The following FSHR variants were observed in gnomAD, a reference collection of about 807,000 sequenced individuals.
FSHR encodes follicle stimulating hormone receptor, also known as follicle-stimulating hormone receptor.
In FSHR, 46 loss-of-function variants were observed where a neutral mutation model predicts 52.1. That is an observed-to-expected ratio of 0.88 (90% CI 0.70 to 1.13). FSHR has a LOEUF of 1.13. Among genes scored for constraint, FSHR ranks in the 50% most tolerant of loss-of-function variants. The pLI is 0.00. For synonymous variants in FSHR, 399 were observed against 309.6 expected, an observed-to-expected ratio of 1.29 and a Z score of -3.03; for missense variants, 964 against 834.6, an observed-to-expected ratio of 1.16 and a Z score of -1.91.
rs192258081 is a variant in FSHR at position 49,103,396 on chromosome 2, T to C, written c.153-35106A>G. On this transcript the variant is annotated intron_variant, in intron 1 of 9. Transcript: ENST00000406846. ...ACACAGTCAGTCATAAGACAAGATTTAGAAACAAACGTAAGGCCTATTTCA... is the reference window on the plus strand; with the variant it reads ...ACACAGTCAGTCATAAGACAAGATTCAGAAACAAACGTAAGGCCTATTTCA... Among the ~76,000 whole-genome samples the C allele has an allele frequency of 2.6e-5, 4 of 152,294 alleles. No homozygotes were observed. In the East Asian group the frequency reaches 7.7e-4, roughly 29 times the overall value.
chr2:49,134,701 G>A (rs1319188502), intron 1 of FSHR, among the ~76,000 whole-genome samples: 6 of 152,202 alleles, frequency 3.9e-5, no homozygotes, highest in Admixed American at 1.3e-4. Flanking sequence ...TTAAGAAAAT[G>A]TGACACATAT....
chr2:48,963,953 G>C lies in FSHR; in HGVS notation c.868C>G (p.Pro290Ala). The change falls in exon 10 of 10, where the codon CCA (proline) becomes GCA (alanine). Residue 290 changes from proline to alanine, a missense_variant. Coordinates refer to ENST00000406846, the MANE Select transcript of FSHR (RefSeq NM_000145.4). ...CTTAAAATAGATTTGTTGCAAATTG[G>C]ATGAAGCTCAGAGCTAGAAAAATAC... ...NWRRQISELHPICNKSILRQE... is the reference protein window; with the variant it reads ...NWRRQISELHAICNKSILRQE... 1 of 1,613,224 alleles carries C rather than the reference G, an allele frequency of 6.2e-7. No individual in the cohort carries two copies. The highest frequency in any genetic ancestry group is 8.5e-7 in the Non-Finnish European group (1 of 1,179,924).
At chr2:49,080,323 C>A (rs1670120582) in intron 1 of FSHR, among the ~76,000 whole-genome samples, 1 of 152,152 alleles carries the variant, frequency 6.6e-6, no homozygotes, top group African/African-American at 2.4e-5. Flanking sequence ...ATACAAAATG[C>A]CCTTGGACCC....
At chr2:49,041,709 C>A (rs1189225405) in intron 2 of FSHR, among the ~76,000 whole-genome samples, 1 of 151,878 alleles carries the variant, frequency 6.6e-6, no homozygotes, top group East Asian at 1.9e-4. Flanking sequence ...TGAGATTATC[C>A]CCTTGACATC....
chr2:49,006,981 G>C (rs1242928352), intron 4 of FSHR, among the ~76,000 whole-genome samples: 2 of 152,130 alleles, frequency 1.3e-5, no homozygotes, highest in African/African-American at 4.8e-5. Flanking sequence ...TAGTTGGAGA[G>C]ACTAATAGCT....
intron 1 of FSHR, among the ~76,000 whole-genome samples, chr2:49,126,558 T>C (rs183081022): frequency 2.1e-4 from 32 of 152,246 alleles, no homozygotes; most frequent in Middle Eastern, 6.8e-3. Context: ...AAGAGTAAAC[T>C]AGACATGAAG....
chr2:49,073,414 T>C (rs1470593952), intron 1 of FSHR, among the ~76,000 whole-genome samples: 1 of 151,904 alleles, frequency 6.6e-6, no homozygotes, highest in Non-Finnish European at 1.5e-5. Flanking sequence ...ATAAACAACA[T>C]GCTGGCTGAA....
At chr2:48,970,506 A>T (rs768395372) in intron 8 of FSHR, among the ~76,000 whole-genome samples, 2 of 150,694 alleles carry the variant, frequency 1.3e-5, no homozygotes, top group African/African-American at 2.4e-5. Flanking sequence ...CTTCTTTCTG[A>T]TGCTTTTGTT....
At chr2:49,020,507 A>ATTT (rs3082696) in intron 2 of FSHR, among the ~76,000 whole-genome samples, 1 of 146,972 alleles carries the variant, frequency 6.8e-6, no homozygotes. Context: ...GTCAGTAAAC[A>ATTT]TTTTTTTTTT....
At chr2:49,035,159 G>A (rs897390630) in intron 2 of FSHR, among the ~76,000 whole-genome samples, 1 of 152,196 alleles carries the variant, frequency 6.6e-6, no homozygotes, top group Non-Finnish European at 1.5e-5. Context: ...TGGGATGGCT[G>A]TGTTAAACCA....
chr2:48,964,332 C>A (rs145454544), intron 9 of FSHR, among the ~76,000 whole-genome samples: 18 of 152,244 alleles, frequency 1.2e-4, no homozygotes, highest in African/African-American at 4.1e-4. Flanking sequence ...TCTTAATACA[C>A]CTGAGTAGGA....
intron 9 of FSHR, among the ~76,000 whole-genome samples, chr2:48,967,220 C>T (rs1310604746): frequency 3.3e-5 from 5 of 152,108 alleles, no homozygotes; most frequent in East Asian, 1.9e-4. Flanking sequence ...TTTAGCCTCC[C>T]GAGTAGGTGG....
chr2:48,969,777 T>C (rs1268583010), intron 8 of FSHR, among the ~76,000 whole-genome samples: 4 of 152,228 alleles, frequency 2.6e-5, no homozygotes, highest in African/African-American at 4.8e-5. Context: ...CTGCCCCTGA[T>C]GGGCTGCAAG....
chr2:48,987,324 C>T (rs983669177), intron 6 of FSHR, among the ~76,000 whole-genome samples: 1 of 152,120 alleles, frequency 6.6e-6, no homozygotes, highest in African/African-American at 2.4e-5. Context: ...CTGCCTCACC[C>T]TCCTGAGTAG....
chr2:49,057,048 GA>G (rs1398072121), intron 2 of FSHR, among the ~76,000 whole-genome samples: 3 of 151,848 alleles, frequency 2.0e-5, no homozygotes, highest in Non-Finnish European at 4.4e-5. Flanking sequence ...ACCCCTATAT[GA>G]AAAAACAAGA....
intron 1 of FSHR, among the ~76,000 whole-genome samples, chr2:49,094,006 T>A (rs1453063757): frequency 6.6e-6 from 1 of 152,212 alleles, no homozygotes; most frequent in African/African-American, 2.4e-5. Flanking sequence ...ATTATTAATA[T>A]CTTTAGATTT....
chr2:48,992,719 T>C (rs886685034), intron 4 of FSHR, among the ~76,000 whole-genome samples: 2 of 152,160 alleles, frequency 1.3e-5, no homozygotes, highest in African/African-American at 4.8e-5. Context: ...TCATCTAGAA[T>C]GCAACTTTTG....
Position 49,054,700 on chromosome 2 carries a change from C to G in FSHR, c.224+13519G>C, listed in dbSNP as rs571472401. On this transcript the variant is annotated intron_variant, in intron 2 of 9. Transcript: ENST00000406846. Reference sequence around the variant, plus strand: ...CCTGACAGACAGTCTAGCAAGCCCACCCCTAGTAAAGCCACAGCACAACAA... The same window carrying G: ...CCTGACAGACAGTCTAGCAAGCCCAGCCCTAGTAAAGCCACAGCACAACAA... Among the ~76,000 whole-genome samples, 5 of 152,330 alleles carry G rather than the reference C, an allele frequency of 3.3e-5. No homozygotes were observed. In the South Asian group the frequency reaches 1.0e-3, roughly 32 times the overall value.
chr2:49,072,632 C>T (rs1669779317), intron 1 of FSHR, among the ~76,000 whole-genome samples: 2 of 152,034 alleles, frequency 1.3e-5, no homozygotes, highest in Non-Finnish European at 2.9e-5. Flanking sequence ...AGAAGGTAAA[C>T]ACTAAGGTAG....
Sources: gnomAD v4.1 joint callset for allele counts (sites outside exome capture counted in the v4.1 genomes callset) on GRCh38, gnomAD v4.1.1 for gene constraint, MANE v1.5 for transcripts, NCBI Gene and HGNC (gene_info 2026-07-23, HGNC 2026-07-21) for gene names.